Variants in KCNK9 observed in about 807,000 individuals in gnomAD.
KCNK9 encodes potassium two pore domain channel subfamily K member 9.
A neutral mutation model predicts 10.8 loss-of-function variants in KCNK9; 1 was observed. That is an observed-to-expected ratio of 0.09 (90% CI 0.03 to 0.44). The LOEUF is 0.44. Among genes scored for constraint, KCNK9 ranks in the 20% least tolerant of loss-of-function variants. The pLI is 0.97. For synonymous variants in KCNK9, 231 were observed against 222.7 expected (o/e 1.04, Z -0.33); for missense variants, 303 against 515.0 (o/e 0.59, Z 3.98).
chr8:139,646,675 A>C (rs186903828), intron 1 of KCNK9, among the ~76,000 whole-genome samples: 5 of 152,388 alleles, frequency 3.3e-5, no homozygotes, highest in Admixed American at 1.3e-4. Flanking sequence ...GACTGACTGA[A>C]TGAATGAATG....
intron 2 of KCNK9, among the ~76,000 whole-genome samples, chr8:139,605,164 C>T (rs1485424022): frequency 2.0e-5 from 3 of 152,254 alleles, no homozygotes; most frequent in Non-Finnish European, 4.4e-5. Context: ...TGTGTCCATA[C>T]ACACACTGGT....
Position 139,662,907 on chromosome 8 carries a change from G to A in KCNK9, c.283+39803C>T, listed in dbSNP as rs574830622. On this transcript the variant is annotated intron_variant, in intron 1 of 1. Coordinates refer to ENST00000520439, the MANE Select transcript of KCNK9 (RefSeq NM_001282534.2). ...GGCTGGAGGACAGATCTCAGGCTAGGAGCTTCCTGACGCTGCAGAGGGTAG... is the reference window on the plus strand; with the variant it reads ...GGCTGGAGGACAGATCTCAGGCTAGAAGCTTCCTGACGCTGCAGAGGGTAG... 7.9e-5 allele frequency among the ~76,000 whole-genome samples: 12 copies of A among 151,660 alleles called. No individual in the cohort carries two copies. In the East Asian group the frequency reaches 2.4e-3, roughly 30 times the overall value.
chr8:139,653,211 C>T (rs989359196), intron 1 of KCNK9, among the ~76,000 whole-genome samples: 2 of 152,058 alleles, frequency 1.3e-5, no homozygotes, highest in Non-Finnish European at 2.9e-5. Flanking sequence ...TCCAAATGGC[C>T]GAGAGCCCTC....
intron 1 of KCNK9, among the ~76,000 whole-genome samples, chr8:139,641,638 C>T (rs962811532): frequency 2.4e-4 from 35 of 145,940 alleles, no homozygotes; most frequent in African/African-American, 7.1e-4. Flanking sequence ...CTGCCCCCCC[C>T]CCGCACTTTC....
chr8:139,700,599 G>A (rs1275168542), intron 1 of KCNK9, among the ~76,000 whole-genome samples: 1 of 151,848 alleles, frequency 6.6e-6, no homozygotes, highest in Non-Finnish European at 1.5e-5. Context: ...GAAAATCAGT[G>A]GAAAGCCCAA....
In KCNK9 at chr8:139,648,961, C is replaced by T. The variant is rs377433913; in HGVS notation, c.284-29862G>A. On this transcript the variant is annotated intron_variant, in intron 1 of 1. Coordinates refer to ENST00000520439, the MANE Select transcript of KCNK9 (RefSeq NM_001282534.2). ...TACAAAGGGGAAGAAAGCCACTGGA[C>T]GCCTAAGAAATTACTTCTGTTGATT... is the stretch of plus-strand genomic sequence containing the variant. 3.8e-4 allele frequency among the ~76,000 whole-genome samples: 58 copies of T among 152,310 alleles called. No homozygotes were observed. In the East Asian group the frequency reaches 7.5e-3, roughly 20 times the overall value.
chr8:139,610,149 T>G (rs1182408976), downstream of KCNK9, among the ~76,000 whole-genome samples: 2 of 152,160 alleles, frequency 1.3e-5, no homozygotes, highest in Non-Finnish European at 2.9e-5. Flanking sequence ...GGGAACAGCT[T>G]TGCACACAGA....
At chr8:139,660,441 TA>T (rs796406573) in intron 1 of KCNK9, among the ~76,000 whole-genome samples, 3 of 133,006 alleles carry the variant, frequency 2.3e-5, no homozygotes, top group Admixed American at 7.4e-5. Flanking sequence ...CCGTCTCTGC[TA>T]AAAAAAAATA....
chr8:139,609,115 C>T (rs1427285028), downstream of KCNK9, among the ~76,000 whole-genome samples: 2 of 149,352 alleles, frequency 1.3e-5, no homozygotes, highest in African/African-American at 2.5e-5. Flanking sequence ...CACCCCACCC[C>T]GCCCCGCTCC....
chr8:139,624,309 C>A (rs1202646227), intron 1 of KCNK9, among the ~76,000 whole-genome samples: 1 of 152,230 alleles, frequency 6.6e-6, no homozygotes, highest in Non-Finnish European at 1.5e-5. Flanking sequence ...TGACAGACAG[C>A]ACTGACAGCC....
chr8:139,650,761 G>A (rs1815838653), intron 1 of KCNK9, among the ~76,000 whole-genome samples: 2 of 152,156 alleles, frequency 1.3e-5, no homozygotes, highest in Non-Finnish European at 2.9e-5. Flanking sequence ...TGTGGCTGCA[G>A]GTGCTCTGCC....
chr8:139,606,297 C>T (rs1009298955), intron 2 of KCNK9, among the ~76,000 whole-genome samples: 9 of 152,126 alleles, frequency 5.9e-5, no homozygotes, highest in African/African-American at 2.2e-4. Context: ...GGCAGGCCTC[C>T]GGTAGCATCT....
intron 1 of KCNK9, among the ~76,000 whole-genome samples, chr8:139,660,240 T>C (rs2129701585): frequency 6.6e-6 from 1 of 152,168 alleles, no homozygotes; most frequent in Non-Finnish European, 1.5e-5. Context: ...CCTTCACAGG[T>C]AGCAAAAGCC....
chr8:139,662,756 C>T (rs1816190729), intron 1 of KCNK9, among the ~76,000 whole-genome samples: 1 of 151,760 alleles, frequency 6.6e-6, no homozygotes, highest in Admixed American at 6.6e-5. Context: ...ACTGTGCCAG[C>T]CCAGAGGATT....
At chr8:139,612,921 G>A (rs1814475668), downstream of KCNK9, among the ~76,000 whole-genome samples, 1 of 152,194 alleles carries the variant, frequency 6.6e-6, no homozygotes, top group Non-Finnish European at 1.5e-5. Flanking sequence ...CAGAAATGGT[G>A]ATGGGGACGT....
At chr8:139,647,643 T>C (rs1292305248) in intron 1 of KCNK9, among the ~76,000 whole-genome samples, 1 of 152,148 alleles carries the variant, frequency 6.6e-6, no homozygotes, top group Non-Finnish European at 1.5e-5. Flanking sequence ...CAGGTGCAGC[T>C]GGAAAGGAGG....
chr8:139,691,968 G>T (rs534609219), intron 1 of KCNK9, among the ~76,000 whole-genome samples: 1 of 152,216 alleles, frequency 6.6e-6, no homozygotes, highest in Non-Finnish European at 1.5e-5. Context: ...ATCCAGGAAG[G>T]TTCTTTAGAA....
chr8:139,673,635 G>A (rs1054055373), intron 1 of KCNK9, among the ~76,000 whole-genome samples: 2 of 152,230 alleles, frequency 1.3e-5, no homozygotes, highest in Admixed American at 6.5e-5. Flanking sequence ...CAAACAGACT[G>A]CAAAGAGAAA....
chr8:139,692,702 T>C (rs1816957708), intron 1 of KCNK9, among the ~76,000 whole-genome samples: 1 of 152,312 alleles, frequency 6.6e-6, no homozygotes, highest in Non-Finnish European at 1.5e-5. Context: ...GTGGCATCCC[T>C]GGGCTGGGCC....
Sources: gnomAD v4.1 joint callset for allele counts (sites outside exome capture counted in the v4.1 genomes callset) on GRCh38, gnomAD v4.1.1 for gene constraint, MANE v1.5 for transcripts, NCBI Gene and HGNC (gene_info 2026-07-23, HGNC 2026-07-21) for gene names.